Variants in KCNQ5 observed in about 807,000 individuals in gnomAD.
The protein encoded by KCNQ5 is potassium voltage-gated channel subfamily Q member 5, also known as potassium voltage-gated channel subfamily KQT member 5.
KCNQ5 carries 30 observed loss-of-function variants against 98.2 expected under a neutral mutation model. That is an observed-to-expected ratio of 0.31 (90% CI 0.23 to 0.41). The LOEUF (loss-of-function observed/expected upper bound fraction) is 0.41. KCNQ5 is among the 10% of genes least tolerant of loss of function. KCNQ5 has a pLI of 1.00. For missense variants in KCNQ5, 835 were observed against 1,182.5 expected (o/e 0.71, Z 4.31); for synonymous variants, 458 against 449.4 (o/e 1.02, Z -0.24).
intron 2 of KCNQ5, among the ~76,000 whole-genome samples, chr6:73,008,347 T>G (rs988497427): frequency 1.3e-5 from 2 of 152,168 alleles, no homozygotes; most frequent in Non-Finnish European, 2.9e-5. Context: ...CATTCAACTG[T>G]GTATATGCTT....
chr6:72,845,197 A>G (rs967678628), intron 1 of KCNQ5, among the ~76,000 whole-genome samples: 1 of 152,200 alleles, frequency 6.6e-6, no homozygotes, highest in African/African-American at 2.4e-5. Context: ...GTATGTATAC[A>G]GTGAGTGTGT....
chr6:73,169,654 G>A lies in KCNQ5; in HGVS notation c.1469-92G>A. ...ATCTTGGTTTATCAGCTTACTCTGT[G>A]AGTATCCCGCCATTTCCACGTGAGA... On this transcript the variant is annotated intron_variant, in intron 10 of 13. Transcript: ENST00000370398. 3.5e-6 allele frequency: 3 copies of A among 864,290 alleles called. No homozygotes were observed. The South Asian group carries it at 4.3e-5, about 12-fold the overall frequency. 53.5% of individuals were successfully genotyped at this position (864,290 alleles called of 1,614,324 possible).
intron 10 of KCNQ5, among the ~76,000 whole-genome samples, chr6:73,161,590 AT>A (rs1480257414): frequency 3.9e-5 from 6 of 152,250 alleles, no homozygotes; most frequent in African/African-American, 4.8e-5. Flanking sequence ...CTCCAAAAAA[AT>A]GTACATCTAT....
chr6:73,016,747 G>A (rs1770366941), intron 2 of KCNQ5, among the ~76,000 whole-genome samples: 1 of 152,112 alleles, frequency 6.6e-6, no homozygotes, highest in African/African-American at 2.4e-5. Context: ...AACCAAAACT[G>A]TAAGTCCTGT....
At chr6:73,167,849 C>T (rs1368253467) in intron 10 of KCNQ5, among the ~76,000 whole-genome samples, 1 of 152,160 alleles carries the variant, frequency 6.6e-6, no homozygotes, top group Non-Finnish European at 1.5e-5. Flanking sequence ...TTCACTCCAG[C>T]CCTTCTATAA....
intron 1 of KCNQ5, among the ~76,000 whole-genome samples, chr6:72,669,878 C>T (rs963005665): frequency 2.7e-5 from 4 of 148,772 alleles, no homozygotes; most frequent in Non-Finnish European, 4.5e-5. Flanking sequence ...TGCTTAGTTG[C>T]TTAGTGTTCT....
intron 1 of KCNQ5, among the ~76,000 whole-genome samples, chr6:72,730,262 A>G (rs971973694): frequency 1.1e-4 from 16 of 152,178 alleles, no homozygotes; most frequent in African/African-American, 3.4e-4. Context: ...TGAATTGTAA[A>G]TATTTTTTGT....
chr6:73,047,784 C>T (rs1168446455), intron 3 of KCNQ5, among the ~76,000 whole-genome samples: 1 of 152,156 alleles, frequency 6.6e-6, no homozygotes, highest in African/African-American at 2.4e-5. Flanking sequence ...CGGTCCCTGC[C>T]TGTAAGAATA....
chr6:72,996,281 G>A (rs1298213412), intron 1 of KCNQ5, among the ~76,000 whole-genome samples: 2 of 152,130 alleles, frequency 1.3e-5, no homozygotes, highest in East Asian at 3.8e-4. Context: ...GAGCCTCTTG[G>A]CATCCAAGGC....
intron 1 of KCNQ5, among the ~76,000 whole-genome samples, chr6:72,695,362 T>G (rs1428250978): frequency 1.3e-5 from 2 of 152,190 alleles, no homozygotes; most frequent in Non-Finnish European, 2.9e-5. Context: ...TTTTTTAAGC[T>G]TACTGAAAAG....
chr6:72,929,657 A>T (rs1765602801), intron 1 of KCNQ5, among the ~76,000 whole-genome samples: 1 of 152,166 alleles, frequency 6.6e-6, no homozygotes, highest in Non-Finnish European at 1.5e-5. Context: ...GAGTACATAA[A>T]GTACTCTAGT....
intron 1 of KCNQ5, among the ~76,000 whole-genome samples, chr6:72,734,653 A>G (rs567006261): frequency 1.3e-5 from 2 of 152,304 alleles, no homozygotes; most frequent in Non-Finnish European, 2.9e-5. Flanking sequence ...CTTACAAGCT[A>G]TTATTCTACT....
At position 72,907,066 on chromosome 6, in the gene KCNQ5, A is replaced by T. The variant is rs576443983; in HGVS notation, c.399-96842A>T. On this transcript the variant is annotated intron_variant, in intron 1 of 13. Coordinates refer to ENST00000370398, the MANE Select transcript of KCNQ5 (RefSeq NM_019842.4). ...CGTGCTTTTTTTCCATCTAGATTAT[A>T]TGGTGCCTTTTAGATTTTAGTGTAT... Among the ~76,000 whole-genome samples, 5 of 152,344 alleles carry T rather than the reference A, an allele frequency of 3.3e-5. No homozygotes were observed. The East Asian group carries it at 9.6e-4, about 29-fold the overall frequency.
intron 1 of KCNQ5, among the ~76,000 whole-genome samples, chr6:72,954,390 T>C (rs1766946212): frequency 1.3e-5 from 2 of 152,192 alleles, no homozygotes; most frequent in Non-Finnish European, 2.9e-5. Flanking sequence ...CAAAAAATAC[T>C]GCAGGAAAGC....
intron 1 of KCNQ5, among the ~76,000 whole-genome samples, chr6:72,948,854 G>T (rs1766667512): frequency 6.6e-6 from 1 of 152,088 alleles, no homozygotes. Context: ...AATTTCTTAG[G>T]ATAGGAGGGA....
intron 1 of KCNQ5, among the ~76,000 whole-genome samples, chr6:72,766,017 A>T (rs1582248899): frequency 6.6e-6 from 1 of 152,076 alleles, no homozygotes; most frequent in African/African-American, 2.4e-5. Context: ...TCAAAAGCAA[A>T]GAAACTGCCT....
At chr6:72,697,358 G>A (rs1318174242) in intron 1 of KCNQ5, among the ~76,000 whole-genome samples, 1 of 152,040 alleles carries the variant, frequency 6.6e-6, no homozygotes, top group Non-Finnish European at 1.5e-5. Flanking sequence ...CCATATAGAA[G>A]TTATAGGACA....
chr6:72,823,492 C>G (rs1273516907), intron 1 of KCNQ5, among the ~76,000 whole-genome samples: 9 of 151,968 alleles, frequency 5.9e-5, no homozygotes, highest in Admixed American at 4.6e-4. Context: ...AAAATTCTAC[C>G]CAGTGACACC....
At chr6:73,006,323 A>G (rs950642034) in intron 2 of KCNQ5, among the ~76,000 whole-genome samples, 1 of 144,100 alleles carries the variant, frequency 6.9e-6, no homozygotes, top group African/African-American at 3.0e-5. Context: ...AAGAAGAAGG[A>G]TTATCATTGA....
Sources: allele counts gnomAD v4.1 joint callset (sites outside exome capture counted in the v4.1 genomes callset), GRCh38; gene constraint gnomAD v4.1.1; transcripts MANE v1.5; gene names NCBI Gene and HGNC (gene_info 2026-07-23, HGNC 2026-07-21).